The following GPR34 variants were observed in gnomAD, a reference collection of about 807,000 sequenced individuals.
GPR34 encodes G protein-coupled receptor 34.
A neutral mutation model predicts 14.1 loss-of-function variants in GPR34; 3 were observed. The observed-to-expected ratio is 0.21, with a 90% CI of 0.10 to 0.55. The LOEUF is 0.55. Among genes scored for constraint, GPR34 ranks in the 20% least tolerant of loss-of-function variants. The pLI is 0.94. For synonymous variants in GPR34, 99 were observed against 99.9 expected (o/e 0.99, Z 0.05); for missense variants, 213 against 292.8 (o/e 0.73, Z 1.99).
intron 2 of GPR34, among the ~76,000 whole-genome samples, chrX:41,693,074 GA>G (rs1458531118): frequency 1.8e-5 from 2 of 110,900 alleles, no homozygotes; most frequent in Non-Finnish European, 3.8e-5. Context: ...CATGAGAGAA[GA>G]AAAAAAATCC....
At chrX:41,691,253 A>G (rs1456395657) in intron 2 of GPR34, among the ~76,000 whole-genome samples, 1 of 111,796 alleles carries the variant, frequency 8.9e-6, no homozygotes. Flanking sequence ...TTAAAAAGAT[A>G]TGCTCTGTGG....
intron 2 of GPR34, among the ~76,000 whole-genome samples, chrX:41,692,014 C>T (rs1011188178): frequency 9.0e-6 from 1 of 110,854 alleles, no homozygotes; most frequent in African/African-American, 3.3e-5. Flanking sequence ...CAGCCTCAGT[C>T]TCCCAAAGTG....
At position 41,695,601 on chromosome X, in the gene GPR34, A is replaced by C. The variant is rs1193971402; in HGVS notation, c.-33A>C. 2 of 1,015,911 alleles carry C rather than the reference A, an allele frequency of 2.0e-6. No individual in the cohort carries two copies. Among genetic ancestry groups the C allele is most frequent in the Non-Finnish European group, 2.7e-6 (2 of 734,100 alleles). The allele number at this position is 1,015,911 out of a possible 1,213,427, so 83.7% of individuals were successfully genotyped here. ...ACTACACATGAGGAATATGTCATTT[A>C]GCACTTTCACTTTTTGATCTCCACA... On this transcript the variant is annotated 5_prime_UTR_variant, in exon 3 of 3. Coordinates refer to ENST00000378142, the MANE Select transcript of GPR34 (RefSeq NM_001097579.2).
At chrX:41,689,678 C>G (rs1423180872) in intron 1 of GPR34, 65 bp from the exon 2 acceptor site, 1 of 111,257 alleles carries the variant, frequency 9.0e-6, no homozygotes, top group Admixed American at 9.6e-5. Context: ...TGTAACAAAA[C>G]CTAACACACT....
rs1355635462 is a variant in GPR34, at chrX:41,689,856, A to G, written c.-80+21A>G. 2.7e-5 allele frequency: 3 copies of G among 111,884 alleles called. No individual in the cohort carries two copies. In the East Asian group the frequency reaches 8.4e-4, roughly 31 times the overall value. The allele number at this position is 111,884 out of a possible 1,213,427, so 9.2% of individuals were successfully genotyped here. On this transcript the variant is annotated intron_variant, in intron 2 of 2. Transcript: ENST00000378142. ...AATAGGTATGTATTTCAACATAGCA[A>G]TGTGATATTTTCACAAACATACCCA...
chrX:41,691,347 G>A (rs1345939999), intron 2 of GPR34, among the ~76,000 whole-genome samples: 1 of 112,023 alleles, frequency 8.9e-6, no homozygotes, highest in Non-Finnish European at 1.9e-5. Context: ...TAGCAAATAA[G>A]ATTAATACCC....
intron 2 of GPR34, among the ~76,000 whole-genome samples, chrX:41,693,702 A>T (rs1602478446): frequency 8.9e-6 from 1 of 111,787 alleles, no homozygotes; most frequent in Admixed American, 9.5e-5. Flanking sequence ...ACTTTCTGAA[A>T]TTTGTCTTCC....
chrX:41,696,671 T>A lies in GPR34; in HGVS notation c.1038T>A (p.Phe346Leu). 8.3e-7 allele frequency: 1 copy of A among 1,209,988 alleles called. No homozygotes were observed. The highest frequency in any genetic ancestry group is 1.1e-6 in the Non-Finnish European group (1 of 893,809). ...TGTGCCAACTTCTTTTTAGACGATT[T>A]CAAGGTGAACCAAGTAGGAGTGAAA... is the stretch of plus-strand genomic sequence containing the variant. The part of the protein sequence containing the change: ...KIMCQLLFRR[F>L]QGEPSRSEST... Residue 346 changes from phenylalanine (F) to leucine (L), a missense_variant, in exon 3 of 3, where the codon TTT becomes TTA. Physicochemically the swap from Phe to Leu is conservative, Grantham distance 22. Transcript: ENST00000378142.
At position 41,696,647 on chromosome X, in the gene GPR34, G is replaced by A; in HGVS notation, c.1014G>A (p.Met338Ile). Reference sequence around the variant, plus strand: ...TGTCCAGTAACATTCGCAAAATAATGTGCCAACTTCTTTTTAGACGATTTC... The same window carrying A: ...TGTCCAGTAACATTCGCAAAATAATATGCCAACTTCTTTTTAGACGATTTC... ...FLMSSNIRKIMCQLLFRRFQG... is the reference protein window; with the variant it reads ...FLMSSNIRKIICQLLFRRFQG... Residue 338 changes from methionine to isoleucine, a missense_variant, in exon 3 of 3, where the codon ATG becomes ATA. By Grantham distance (10) the Met-to-Ile change is conservative (BLOSUM62 1). Transcript: ENST00000378142. 1 of 1,210,473 alleles carries A rather than the reference G, an allele frequency of 8.3e-7. No individual in the cohort carries two copies. Among genetic ancestry groups the A allele is most frequent in the Non-Finnish European group, 1.1e-6 (1 of 894,455 alleles).
chrX:41,691,957 C>T (rs183552801), intron 2 of GPR34, among the ~76,000 whole-genome samples: 224 of 108,347 alleles, frequency 2.1e-3, no homozygotes, highest in Non-Finnish European at 3.5e-3. Context: ...TGCTATGTTG[C>T]CTTGGCTGGC....
At chrX:41,691,133 ATTAC>A (rs958195308) in intron 2 of GPR34, among the ~76,000 whole-genome samples, 29 of 112,369 alleles carry the variant, frequency 2.6e-4, no homozygotes, top group African/African-American at 9.0e-4. Context: ...TTGTCCAACT[ATTAC>A]TTATTTTATT....
At chrX:41,690,345 T>TAA (rs11430225) in intron 2 of GPR34, among the ~76,000 whole-genome samples, 44 of 104,128 alleles carry the variant, frequency 4.2e-4, no homozygotes, top group East Asian at 1.6e-3. Flanking sequence ...GATTTTTAAT[T>TAA]AAAAAAAAAA....
chrX:41,696,138 A>C lies in GPR34; in HGVS notation c.505A>C (p.Lys169Gln), dbSNP rs1488649072. The change falls in exon 3 of 3, where the codon AAA becomes CAA. Residue 169 changes from lysine to glutamine, a missense_variant. Coordinates refer to ENST00000378142, the MANE Select transcript of GPR34 (RefSeq NM_001097579.2). ...ACAGCAACGGAAGGCAATAACAACC[A>C]AACAAAGTATTTATGTCTGTTGTAT... ...SIQQRKAITT[K>Q]QSIYVCCIVW... 8.3e-7 allele frequency: 1 copy of C among 1,208,521 alleles called. No homozygotes were observed. Among genetic ancestry groups the C allele is most frequent in the South Asian group, 1.8e-5 (1 of 56,670 alleles).
chrX:41,690,523 T>C (rs1012658551), intron 2 of GPR34, among the ~76,000 whole-genome samples: 1 of 107,003 alleles, frequency 9.3e-6, no homozygotes, highest in African/African-American at 3.4e-5. Context: ...ATTTTTTTTT[T>C]TTTTTTTGGT....
At position 41,697,165 on chromosome X, in the gene GPR34, T is replaced by C. The variant is rs750250937; in HGVS notation, c.*386T>C. On this transcript the variant is annotated 3_prime_UTR_variant, in exon 3 of 3. Transcript: ENST00000378142. ...GGAACTGACAATGTGTCAGAAAATA[T>C]ATGTTCATTTATCATTTTAAAATCT... 1 of 132,742 alleles carries C rather than the reference T, an allele frequency of 7.5e-6. No homozygotes were observed. The highest frequency in any genetic ancestry group is 3.2e-5 in the African/African-American group (1 of 31,455). 10.9% of individuals were successfully genotyped at this position (132,742 alleles called of 1,213,427 possible).
At chrX:41,691,238 G>A (rs1156451324) in intron 2 of GPR34, among the ~76,000 whole-genome samples, 1 of 111,711 alleles carries the variant, frequency 9.0e-6, no homozygotes, top group Non-Finnish European at 1.9e-5. Context: ...ATCGGGTCTA[G>A]AAGTTTAAAA....
At position 41,696,032 on chromosome X, in the gene GPR34, G is replaced by C; in HGVS notation, c.399G>C (p.Leu133=). ...TTCTGTGCAAGGTTGTGGGAACACTGTTTTATATGAACATGTACATTAGCA... is the reference window on the plus strand; with the variant it reads ...TTCTGTGCAAGGTTGTGGGAACACTCTTTTATATGAACATGTACATTAGCA... ...GVILCKVVGT[L]FYMNMYISII... is the part of the protein sequence containing the mutation. Residue 133 remains leucine, a synonymous_variant, in exon 3 of 3, where the codon CTG becomes CTC. Coordinates refer to ENST00000378142, the MANE Select transcript of GPR34 (RefSeq NM_001097579.2). The C allele has an allele frequency of 8.3e-7, 1 of 1,210,087 alleles. No individual in the cohort carries two copies. The highest frequency in any genetic ancestry group is 1.1e-6 in the Non-Finnish European group (1 of 894,117).
rs2067661615 is a variant in GPR34, at chrX:41,695,307, T to C, written c.-79-248T>C. Among the ~76,000 whole-genome samples, 3 of 107,752 alleles carry C rather than the reference T, an allele frequency of 2.8e-5. No individual in the cohort carries two copies. In the South Asian group the frequency reaches 1.2e-3, roughly 44 times the overall value. 93.6% of individuals were successfully genotyped at this position (107,752 alleles called of 115,157 possible). A position where few individuals can be genotyped will look rare whatever the true frequency, so the allele number is the denominator to read the frequency against. On this transcript the variant is annotated intron_variant, in intron 2 of 2. Coordinates refer to ENST00000378142, the MANE Select transcript of GPR34 (RefSeq NM_001097579.2). ...AAAATAAATCATTTATTATTTACAC[T>C]GTCTTTTTTTTTTTTTTTTTTTTAA... is the stretch of plus-strand genomic sequence containing the variant.
intron 2 of GPR34, among the ~76,000 whole-genome samples, chrX:41,693,194 A>G (rs774104858): frequency 1.7e-3 from 195 of 111,475 alleles, no homozygotes; most frequent in Middle Eastern, 4.6e-3. Flanking sequence ...AGCTCCCTAC[A>G]TAACCACACA....
Sources: gnomAD v4.1 joint callset for allele counts (sites outside exome capture counted in the v4.1 genomes callset) on GRCh38, gnomAD v4.1.1 for gene constraint, MANE v1.5 for transcripts, NCBI Gene and HGNC (gene_info 2026-07-23, HGNC 2026-07-21) for gene names.